Variants in HMCN2 observed in about 807,000 individuals in gnomAD.
The protein encoded by HMCN2 is hemicentin 2, also known as hemicentin-2.
Under a neutral mutation model 377.5 loss-of-function variants are expected in HMCN2, and 325 were observed. The observed-to-expected ratio is 0.86, with a 90% confidence interval of 0.79 to 0.94. The LOEUF is 0.94. Among genes scored for constraint, HMCN2 ranks in the 40% least tolerant of loss-of-function variants. The pLI is 0.00. For missense variants in HMCN2, 4,543 were observed against 4,725.3 expected (o/e 0.96, Z 1.13); for synonymous variants, 2,007 against 2,046.8 (o/e 0.98, Z 0.53).
intron 23 of HMCN2, among the ~76,000 whole-genome samples, chr9:130,339,175 G>A (rs982172128): frequency 4.1e-4 from 62 of 152,120 alleles, no homozygotes; most frequent in Non-Finnish European, 7.3e-4. Flanking sequence ...GCAACAGTGC[G>A]AGACCCTGTC....
intron 85 of HMCN2, among the ~76,000 whole-genome samples, chr9:130,416,764 C>T (rs1843719818): frequency 6.6e-6 from 1 of 151,914 alleles, no homozygotes; most frequent in African/African-American, 2.4e-5. Flanking sequence ...GATGAATGGC[C>T]TCCAAAGATA....
At position 130,428,368 on chromosome 9, in the gene HMCN2, G is replaced by C; in HGVS notation, c.14076G>C (p.Glu4692Asp). 3.9e-6 allele frequency: 6 copies of C among 1,547,390 alleles called. No homozygotes were observed. The highest frequency in any genetic ancestry group is 5.2e-6 in the Non-Finnish European group (6 of 1,146,466). The change falls in exon 93 of 98, where the codon GAG becomes GAC. Residue 4692 changes from glutamate to aspartate, a missense_variant. By Grantham distance (45) the Glu-to-Asp change is conservative (BLOSUM62 2). Coordinates refer to ENST00000683500, the MANE Select transcript of HMCN2 (RefSeq NM_001291815.2). This position sits in a 1 kb window ranked among gnomAD's most constrained non-coding sequence, Gnocchi z 5.0. ...WDDRNCRDVD[E>D]CAWDAHLCRE... Reference sequence around the variant, plus strand: ...CTGATCTGCCCCCAGATGTGGACGAGTGTGCGTGGGATGCTCACCTCTGCC... The same window carrying C: ...CTGATCTGCCCCCAGATGTGGACGACTGTGCGTGGGATGCTCACCTCTGCC...
In HMCN2 at chr9:130,305,015, C is replaced by T; in HGVS notation, c.1816+13C>T. ...CTCCTGGTGCGAGGTGAGGCTCATC[C>T]TGCTGCTGCTGTTCCCCTAATTCAA... On this transcript the variant is annotated intron_variant, in intron 11 of 97. Transcript: ENST00000683500. 1 of 462,774 alleles carries T rather than the reference C, an allele frequency of 2.2e-6. No homozygotes were observed. The highest frequency in any genetic ancestry group is 7.1e-5 in the East Asian group (1 of 14,170). The allele number at this position is 462,774 out of a possible 1,614,324, so 28.7% of individuals were successfully genotyped here.
chr9:130,424,945 A>G (rs1029712773), intron 88 of HMCN2, 32 bp downstream of exon 88: 30 of 1,478,188 alleles, frequency 2.0e-5, no homozygotes, highest in Non-Finnish European at 2.5e-5. Context: ...TGGGCCAGGT[A>G]GGACTAAAGC....
At chr9:130,289,369 G>A (rs1416000468) in intron 4 of HMCN2, among the ~76,000 whole-genome samples, 1 of 152,152 alleles carries the variant, frequency 6.6e-6, no homozygotes, top group Non-Finnish European at 1.5e-5. Context: ...TGCTGGGGGA[G>A]CGTCTGACCA....
At chr9:130,322,663 C>T (rs953181066) in intron 19 of HMCN2, among the ~76,000 whole-genome samples, 5 of 152,136 alleles carry the variant, frequency 3.3e-5, no homozygotes, top group Non-Finnish European at 5.9e-5. Context: ...CACGTACCTA[C>T]GTGACCAATT....
In HMCN2 at chr9:130,360,928, C is replaced by T. The variant is rs980962751; in HGVS notation, c.5950+324C>T. ...TCCATCCATTTATCCACCCAACCAT[C>T]CTTTCATTCATTTATCTACCCACCT... On this transcript the variant is annotated intron_variant, in intron 38 of 97. Transcript: ENST00000683500. This position sits in a 1 kb window ranked among gnomAD's most constrained non-coding sequence, Gnocchi z 4.7. 1.7e-4 allele frequency among the ~76,000 whole-genome samples: 26 copies of T among 152,058 alleles called. No individual in the cohort carries two copies. Among genetic ancestry groups the T allele is most frequent in the African/African-American group, 6.0e-4 (25 of 41,416 alleles).
chr9:130,285,426 T>G, intron 3 of HMCN2, 110 bp downstream of exon 3: 2 of 401,256 alleles, frequency 5.0e-6, no homozygotes, highest in Non-Finnish European at 1.0e-5. Flanking sequence ...GCTGGGCACT[T>G]CTCTTCCACA....
intron 15 of HMCN2, among the ~76,000 whole-genome samples, chr9:130,316,436 A>T (rs1269374928): frequency 1.3e-5 from 2 of 152,060 alleles, no homozygotes; most frequent in South Asian, 2.1e-4. Context: ...CAGAGCAGGA[A>T]AAAAAGGACG....
intron 22 of HMCN2, among the ~76,000 whole-genome samples, chr9:130,331,579 G>A (rs1027992720): frequency 1.3e-3 from 202 of 152,252 alleles, no homozygotes; most frequent in African/African-American, 4.6e-3. Context: ...ACCCCAGCTC[G>A]CCCGGTGACC....
chr9:130,296,805 C>T lies in HMCN2; in HGVS notation c.1012+11C>T. On this transcript the variant is annotated intron_variant, in intron 7 of 97. Coordinates refer to ENST00000683500, the MANE Select transcript of HMCN2 (RefSeq NM_001291815.2). Reference sequence around the variant, plus strand: ...AGTGGCCCTTGCAAGGTACAGTACCCCGACCCTACAGACAGTGCTGAGCTG... The same window carrying T: ...AGTGGCCCTTGCAAGGTACAGTACCTCGACCCTACAGACAGTGCTGAGCTG... The T allele has an allele frequency of 2.1e-6, 1 of 471,112 alleles. No individual in the cohort carries two copies. Among genetic ancestry groups the T allele is most frequent in the African/African-American group, 2.0e-5 (1 of 50,170 alleles). The allele number at this position is 471,112 out of a possible 1,614,324, so 29.2% of individuals were successfully genotyped here. A position where few individuals can be genotyped will look rare whatever the true frequency, so the allele number is the denominator to read the frequency against.
intron 1 of HMCN2, among the ~76,000 whole-genome samples, chr9:130,284,249 C>T (rs1835295201): frequency 2.0e-5 from 3 of 152,192 alleles, no homozygotes; most frequent in Non-Finnish European, 2.9e-5. Flanking sequence ...AGAATTCCTT[C>T]TCCACTGACT....
chr9:130,352,808 C>T, intron 30 of HMCN2, 119 bp from the exon 31 acceptor site: 1 of 810,574 alleles, frequency 1.2e-6, no homozygotes, highest in Non-Finnish European at 1.7e-6. Context: ...CCTTCCCTGC[C>T]CCCGCAATGG....
At position 130,386,480 on chromosome 9, in the gene HMCN2, A is replaced by C. The variant is rs1842027768; in HGVS notation, c.9347A>C (p.Asn3116Thr). ...DKGLYSCKVS[N>T]VAGEAVRTFT... is the part of the protein sequence containing the mutation. ...GGTTTATACAGCTGTAAAGTCAGCA[A>C]CGTGGCTGGGGAGGCCGTGCGGACC... The change falls in exon 61 of 98, where the codon AAC becomes ACC. Residue 3116 changes from asparagine to threonine, a missense_variant. Asn to Thr is a moderately conservative substitution (Grantham distance 65). This residue lies in a region of HMCN2 where 736 missense variants were observed against 773.2 expected (regional missense o/e 0.95). Transcript: ENST00000683500. 1.5e-6 allele frequency: 2 copies of C among 1,303,922 alleles called. No individual in the cohort carries two copies. Among genetic ancestry groups the C allele is most frequent in the African/African-American group, 3.0e-5 (2 of 65,866 alleles). The allele number at this position is 1,303,922 out of a possible 1,614,324, so 80.8% of individuals were successfully genotyped here.
rs572557401 is a variant in HMCN2, at chr9:130,376,738, G to C, written c.8061+80G>C. ...TTCTGCTTGGAACCTTCCAGAAAAG[G>C]CTTCCCTTAAAGCACCTAGCCCTAG... On this transcript the variant is annotated intron_variant, in intron 52 of 97. Transcript: ENST00000683500. 6 of 912,002 alleles carry C rather than the reference G, an allele frequency of 6.6e-6. No homozygotes were observed. In the South Asian group the frequency reaches 3.0e-4, roughly 46 times the overall value. The allele number at this position is 912,002 out of a possible 1,614,324, so 56.5% of individuals were successfully genotyped here.
chr9:130,366,079 C>T (rs1300648714), intron 43 of HMCN2, 84 bp downstream of exon 43: 4 of 955,458 alleles, frequency 4.2e-6, no homozygotes, highest in African/African-American at 1.8e-5. Flanking sequence ...ACCCCCACCC[C>T]AGAGCCTAGC....
chr9:130,405,158 C>A, intron 81 of HMCN2, 99 bp downstream of exon 81: 1 of 824,192 alleles, frequency 1.2e-6, no homozygotes, highest in Non-Finnish European at 1.6e-6. Context: ...ACCCTGGGAG[C>A]CTGGGGAAAT....
chr9:130,296,808 A>G lies in HMCN2; in HGVS notation c.1012+14A>G. On this transcript the variant is annotated intron_variant, in intron 7 of 97. Transcript: ENST00000683500. ...GGCCCTTGCAAGGTACAGTACCCCG[A>G]CCCTACAGACAGTGCTGAGCTGCCT... 2.1e-6 allele frequency: 1 copy of G among 469,916 alleles called. No homozygotes were observed. Among genetic ancestry groups the G allele is most frequent in the South Asian group, 1.6e-5 (1 of 64,490 alleles). 29.1% of individuals were successfully genotyped at this position (469,916 alleles called of 1,614,324 possible). A position where few individuals can be genotyped will look rare whatever the true frequency, so the allele number is the denominator to read the frequency against.
intron 25 of HMCN2, among the ~76,000 whole-genome samples, chr9:130,346,466 T>A (rs1156609985): frequency 9.7e-6 from 1 of 103,194 alleles, no homozygotes; most frequent in African/African-American, 3.9e-5. Flanking sequence ...GCACTCACGG[T>A]GGGGCTGGAG....
Sources: gnomAD v4.1 joint callset for allele counts (sites outside exome capture counted in the v4.1 genomes callset) on GRCh38, gnomAD v4.1.1 for gene constraint, gnomAD v4.1.1 regional missense constraint, Gnocchi (gnomAD v3.1) non-coding constraint, MANE v1.5 for transcripts, NCBI Gene and HGNC (gene_info 2026-07-23, HGNC 2026-07-21) for gene names.